Variants in TAAR9 observed in about 807,000 individuals in gnomAD.
TAAR9 encodes trace amine associated receptor 9, also known as trace amine-associated receptor 9.
For synonymous variants in TAAR9, 162 were observed against 152.6 expected (o/e 1.06, Z -0.45); for missense variants, 453 against 409.4 (o/e 1.11, Z -0.92).
exon 1 of TAAR9, chr6:132,538,919 T>C (rs776415843): frequency 1.3e-6 from 2 of 1,594,510 alleles, no homozygotes; most frequent in East Asian, 4.5e-5. Flanking sequence ...TTATACCCAA[T>C]GTCGCCATGG....
In TAAR9 at chr6:132,538,664, T is replaced by C. The variant is rs1455193144; in HGVS notation, c.375T>C (p.Cys125=). 3.7e-6 allele frequency: 6 copies of C among 1,608,476 alleles called. No individual in the cohort carries two copies. The African/African-American group carries it at 6.7e-5, about 18-fold the overall frequency. Residue 125 remains cysteine, a synonymous_variant, in exon 1 of 1, where the codon TGT becomes TGC. Coordinates refer to ENST00000434551, the Ensembl canonical transcript of TAAR9. ...TTGCTTCTTTATTTCATTTATGCTG[T>C]ATCTCTGTTGATAGATACATTGCTG...
At chr6:132,538,398 G>T in exon 1 of TAAR9, 1 of 1,613,642 alleles carries the variant, frequency 6.2e-7, no homozygotes, top group Non-Finnish European at 8.5e-7. Context: ...TATCCTCTAC[G>T]CCGTCCTTGG....
exon 1 of TAAR9, chr6:132,538,918 A>G (rs768862773): frequency 1.7e-5 from 27 of 1,593,916 alleles, no homozygotes; most frequent in Admixed American, 7.0e-5. Context: ...TTTATACCCA[A>G]TGTCGCCATG....
Position 132,538,489 on chromosome 6 carries a change from C to G in TAAR9, c.200C>G (p.Thr67Arg), listed in dbSNP as rs143577351. 4.9e-4 allele frequency: 787 copies of G among 1,613,474 alleles called. 9 individuals are homozygous for G. The African/African-American group carries it at 9.9e-3, about 20-fold the overall frequency. Reference sequence around the variant, plus strand: ...CACTTCAAACAACTGCACACACCTACAAACTTTCTGATTGCGTCGCTGGCC... The same window carrying G: ...CACTTCAAACAACTGCACACACCTAGAAACTTTCTGATTGCGTCGCTGGCC... The change falls in exon 1 of 1, where the codon ACA becomes AGA. Residue 67 changes from threonine to arginine, a missense_variant. Transcript: ENST00000434551.
At chr6:132,539,129 T>G in exon 1 of TAAR9, 1 of 1,570,016 alleles carries the variant, frequency 6.4e-7, no homozygotes, top group Non-Finnish European at 8.6e-7. Flanking sequence ...ATGCAGTGAT[T>G]GATGCTTATA....
chr6:132,538,347 G>T lies in TAAR9; in HGVS notation c.58G>T (p.Glu20Ter). Reference sequence around the variant, plus strand: ...GGAGCTGTGTTACAAGAACGTGAACGAATCCTGCATTAAAACTCCTTACTC... The same window carrying T: ...GGAGCTGTGTTACAAGAACGTGAACTAATCCTGCATTAAAACTCCTTACTC... Residue 20 changes from glutamate to a stop codon, truncating the protein, a stop_gained, in exon 1 of 1, where the codon GAA becomes TAA. Transcript: ENST00000434551. LOFTEE classifies it low-confidence loss of function (END_TRUNC). The T allele has an allele frequency of 6.2e-7, 1 of 1,613,262 alleles. No homozygotes were observed. Among genetic ancestry groups the T allele is most frequent in the South Asian group, 1.1e-5 (1 of 90,952 alleles).
In TAAR9 at chr6:132,539,221, A is replaced by G. The variant is rs200407216; in HGVS notation, c.932A>G (p.Tyr311Cys). 5.9e-4 allele frequency: 958 copies of G among 1,611,852 alleles called. 2 individuals carry two copies. Among genetic ancestry groups the G allele is most frequent in the Middle Eastern group, 1.5e-3 (9 of 6,046 alleles). Residue 311 changes from tyrosine (Y) to cysteine (C), a missense_variant, in exon 1 of 1, where the codon TAT (tyrosine) becomes TGT (cysteine). Coordinates refer to ENST00000434551, the Ensembl canonical transcript of TAAR9. ...AATTCAGCTATGAACCCCTTGATTT[A>G]TGCTTTCTTTTACCAATGGTTTGGG...
At chr6:132,538,942 G>A (rs888621060) in exon 1 of TAAR9, 20 of 1,559,560 alleles carry the variant, frequency 1.3e-5, no homozygotes, top group Non-Finnish European at 1.7e-5. Context: ...TTTATATACA[G>A]TAAGATATTT....
Position 132,538,887 on chromosome 6 carries a change from CT to C in TAAR9, c.599del (p.Leu200HisfsTer32), listed in dbSNP as rs1776257172. On this transcript the variant is annotated frameshift_variant, in exon 1 of 1. Transcript: ENST00000434551. LOFTEE classifies it low-confidence loss of function (END_TRUNC). Reference sequence around the variant, plus strand: ...GGCTCCACTGAATCAAAACTGGGTCCTACTTTGTTTTCTTCTATTCTTTATA... The same window carrying C: ...GGCTCCACTGAATCAAAACTGGGTCCACTTTGTTTTCTTCTATTCTTTATA... The C allele has an allele frequency of 6.2e-7, 1 of 1,610,102 alleles. No homozygotes were observed. The highest frequency in any genetic ancestry group is 1.7e-5 in the Admixed American group (1 of 59,278).
exon 1 of TAAR9, chr6:132,539,090 T>C: frequency 6.5e-7 from 1 of 1,541,056 alleles, no homozygotes; most frequent in Non-Finnish European, 8.7e-7. Context: ...TGGCAGCATT[T>C]CTTGTCTCTT....
Position 132,538,681 on chromosome 6 carries a change from AC to A in TAAR9, c.393del (p.Tyr131Ter). The A allele has an allele frequency of 6.2e-7, 1 of 1,612,628 alleles. No individual in the cohort carries two copies. The highest frequency in any genetic ancestry group is 8.5e-7 in the Non-Finnish European group (1 of 1,179,456). On this transcript the variant is annotated frameshift_variant, in exon 1 of 1. Transcript: ENST00000434551. LOFTEE classifies it low-confidence loss of function (END_TRUNC). ...TTATGCTGTATCTCTGTTGATAGAT[AC>A]ATTGCTGTTACTGATCCTCTGACCT... is the stretch of plus-strand genomic sequence containing the variant.
exon 1 of TAAR9, chr6:132,538,380 C>G: frequency 2.5e-6 from 4 of 1,613,724 alleles, no homozygotes; most frequent in South Asian, 1.1e-5. Flanking sequence ...CTCGCCAGGT[C>G]CTCGATCTAT....
exon 1 of TAAR9, chr6:132,538,557 A>T (rs767311404): frequency 1.2e-6 from 2 of 1,604,404 alleles, no homozygotes; most frequent in Admixed American, 3.4e-5. Flanking sequence ...GCCCTTCAGC[A>T]CAGTGAGGTC....
At chr6:132,538,681 A>G (rs1196487204) in exon 1 of TAAR9, 1 of 1,612,628 alleles carries the variant, frequency 6.2e-7, no homozygotes, top group Admixed American at 1.7e-5. Context: ...GTTGATAGAT[A>G]CATTGCTGTT....
At position 132,538,440 on chromosome 6, in the gene TAAR9, T is replaced by TTA; in HGVS notation, c.152_153dup (p.Leu52TyrfsTer4). 1 of 1,613,652 alleles carries TTA rather than the reference T, an allele frequency of 6.2e-7. No homozygotes were observed. The highest frequency in any genetic ancestry group is 8.5e-7 in the Non-Finnish European group (1 of 1,179,798). On this transcript the variant is annotated frameshift_variant, in exon 1 of 1. Coordinates refer to ENST00000434551, the Ensembl canonical transcript of TAAR9. LOFTEE classifies it low-confidence loss of function (END_TRUNC). Reference sequence around the variant, plus strand: ...GGCTGTGCTGGCAGCGTTTGGAAACTTACTGGTCATGATTGCTATCCTTCA... The same window carrying TTA: ...GGCTGTGCTGGCAGCGTTTGGAAACTTATACTGGTCATGATTGCTATCCTTCA...
chr6:132,538,870 T>G, exon 1 of TAAR9: 6 of 1,613,210 alleles, frequency 3.7e-6, no homozygotes, highest in Non-Finnish European at 5.1e-6. Context: ...CAGGCTCCAC[T>G]GAATCAAAAC....
At position 132,538,346 on chromosome 6, in the gene TAAR9, C is replaced by CGAAT; in HGVS notation, c.58_61dup (p.Ser21Ter). 1.2e-6 allele frequency: 2 copies of CGAAT among 1,613,226 alleles called. No individual in the cohort carries two copies. The highest frequency in any genetic ancestry group is 2.2e-5 in the South Asian group (2 of 90,942). On this transcript the variant is annotated frameshift_variant, in exon 1 of 1. Coordinates refer to ENST00000434551, the Ensembl canonical transcript of TAAR9. LOFTEE classifies it low-confidence loss of function (END_TRUNC). ...TGGAGCTGTGTTACAAGAACGTGAACGAATCCTGCATTAAAACTCCTTACT... is the reference window on the plus strand; with the variant it reads ...TGGAGCTGTGTTACAAGAACGTGAACGAATGAATCCTGCATTAAAACTCCTTACT...
In TAAR9 at chr6:132,538,878, AACTGGGTCCT is replaced by A; in HGVS notation, c.593_602del (p.Trp198PhefsTer31). 1 of 1,612,182 alleles carries A rather than the reference AACTGGGTCCT, an allele frequency of 6.2e-7. No homozygotes were observed. The highest frequency in any genetic ancestry group is 1.1e-5 in the South Asian group (1 of 90,748). ...AGGCTGCCAGGCTCCACTGAATCAA[AACTGGGTCCT>A]ACTTTGTTTTCTTCTATTCTTTATA... On this transcript the variant is annotated frameshift_variant, in exon 1 of 1. Transcript: ENST00000434551. LOFTEE classifies it low-confidence loss of function (END_TRUNC).
chr6:132,538,448 C>G, exon 1 of TAAR9: 1 of 1,613,668 alleles, frequency 6.2e-7, no homozygotes, highest in Non-Finnish European at 8.5e-7. Flanking sequence ...ACTTACTGGT[C>G]ATGATTGCTA....
Sources: gnomAD v4.1 joint callset for allele counts on GRCh38, gnomAD v4.1.1 for gene constraint, MANE v1.5 for transcripts, NCBI Gene and HGNC (gene_info 2026-07-23, HGNC 2026-07-21) for gene names.